GRHL1: variants seen among roughly 807,000 people sequenced by gnomAD.
GRHL1 encodes the protein grainyhead-like protein 1 homolog.
GRHL1 carries 38 observed loss-of-function variants against 75.7 expected under a neutral mutation model. That is an observed-to-expected ratio of 0.50 (90% CI 0.39 to 0.66). The LOEUF (loss-of-function observed/expected upper bound fraction) is 0.66. Among genes scored for constraint, GRHL1 ranks in the 30% least tolerant of loss-of-function variants. GRHL1 has a pLI of 0.00. For missense variants in GRHL1, 589 were observed against 767.5 expected, an observed-to-expected ratio of 0.77 and a Z score of 2.75; for synonymous variants, 266 against 279.4, an observed-to-expected ratio of 0.95 and a Z score of 0.48.
chr2:9,962,937 T>A (rs1226747772), intron 5 of GRHL1, among the ~76,000 whole-genome samples: 1 of 151,808 alleles, frequency 6.6e-6, no homozygotes, highest in Non-Finnish European at 1.5e-5. Context: ...AATGATAAAA[T>A]AAATGAAGTC....
Position 9,951,782 on chromosome 2 carries a change from T to G in GRHL1, c.-52T>G. On this transcript the variant is annotated 5_prime_UTR_variant, in exon 1 of 16. Coordinates refer to ENST00000324907, the MANE Select transcript of GRHL1 (RefSeq NM_198182.3). The surrounding 1 kb of genome is among the most constrained non-coding windows in gnomAD (Gnocchi z 4.2). ...CCTCCTCCCCCCGGATCGGGTGTACTGTCCCAACCCGAAAGTCCAGTTCTG... is the reference window on the plus strand; with the variant it reads ...CCTCCTCCCCCCGGATCGGGTGTACGGTCCCAACCCGAAAGTCCAGTTCTG... 1 of 1,500,046 alleles carries G rather than the reference T, an allele frequency of 6.7e-7. No individual in the cohort carries two copies. Among genetic ancestry groups the G allele is most frequent in the Non-Finnish European group, 8.9e-7 (1 of 1,119,144 alleles). The allele number at this position is 1,500,046 out of a possible 1,614,324, so 92.9% of individuals were successfully genotyped here.
chr2:9,954,511 G>A (rs944673495), intron 1 of GRHL1, among the ~76,000 whole-genome samples: 3 of 152,146 alleles, frequency 2.0e-5, no homozygotes, highest in Admixed American at 6.5e-5. Context: ...TGTGATGAAC[G>A]GCACACGCTC....
chr2:9,960,792 G>A, intron 3 of GRHL1: 1 of 414,878 alleles, frequency 2.4e-6, no homozygotes, highest in Non-Finnish European at 4.3e-6. Context: ...ATTATGGAAA[G>A]TAAAGCTTGT....
At position 9,998,747 on chromosome 2, in the gene GRHL1, CAT is replaced by C. The variant is rs1159937033; in HGVS notation, c.1678-212_1678-211del. Among the ~76,000 whole-genome samples, 39 of 35,408 alleles carry C rather than the reference CAT, an allele frequency of 1.1e-3. 7 individuals carry two copies. Among genetic ancestry groups the C allele is most frequent in the South Asian group, 4.6e-3 (4 of 866 alleles). The allele number at this position is 35,408 out of a possible 152,430, so 23.2% of individuals were successfully genotyped here. A position where few individuals can be genotyped will look rare whatever the true frequency, so the allele number is the denominator to read the frequency against. ...ACATATATACGTATATATGTACACACATATATACGTATATATATGTACACACA... is the reference window on the plus strand; with the variant it reads ...ACATATATACGTATATATGTACACACATATACGTATATATATGTACACACA... On this transcript the variant is annotated intron_variant, in intron 14 of 15. Transcript: ENST00000324907.
Position 9,992,241 on chromosome 2 carries a change from T to G in GRHL1, c.1461+95T>G, listed in dbSNP as rs1311865599. On this transcript the variant is annotated intron_variant, in intron 11 of 15. Transcript: ENST00000324907. The surrounding 1 kb of genome is among the most constrained non-coding windows in gnomAD (Gnocchi z 4.6). The stretch of plus-strand genomic sequence containing the variant: ...ATTCATGGGAAACAGAAGCCAAAAT[T>G]GAGTGAGGTTTGACCAGTTAGTCAG... 8.5e-7 allele frequency: 1 copy of G among 1,173,834 alleles called. No individual in the cohort carries two copies. Among genetic ancestry groups the G allele is most frequent in the African/African-American group, 1.5e-5 (1 of 65,810 alleles). The allele number at this position is 1,173,834 out of a possible 1,614,324, so 72.7% of individuals were successfully genotyped here. A position where few individuals can be genotyped will look rare whatever the true frequency, so the allele number is the denominator to read the frequency against.
chr2:9,989,062 T>C (rs1668536620), intron 9 of GRHL1, among the ~76,000 whole-genome samples: 1 of 152,126 alleles, frequency 6.6e-6, no homozygotes, highest in Non-Finnish European at 1.5e-5. Context: ...TTGGGGATAT[T>C]TACCTGTTTT....
At position 9,961,453 on chromosome 2, in the gene GRHL1, A is replaced by G. The variant is rs781452558; in HGVS notation, c.669+17A>G. 5 of 1,588,420 alleles carry G rather than the reference A, an allele frequency of 3.1e-6. No homozygotes were observed. Among genetic ancestry groups the G allele is most frequent in the Non-Finnish European group, 4.3e-6 (5 of 1,162,976 alleles). ...GTTCAGGAGGTAAGGAAACAAAAAC[A>G]TCTTCCTAAGACGCCTGCGTGTTTG... On this transcript the variant is annotated intron_variant, in intron 4 of 15. Coordinates refer to ENST00000324907, the MANE Select transcript of GRHL1 (RefSeq NM_198182.3).
chr2:10,000,447 AGATGAG>A (rs1166838816), intron 15 of GRHL1, 140 bp from the exon 16 acceptor site: 1 of 606,860 alleles, frequency 1.6e-6, no homozygotes, highest in Non-Finnish European at 3.0e-6. Flanking sequence ...CCCATTTTAT[AGATGAG>A]GAAGTTGAGG....
At chr2:9,991,900 T>A in intron 10 of GRHL1, 107 bp from the exon 11 acceptor site, 1 of 800,804 alleles carries the variant, frequency 1.2e-6, no homozygotes, top group Non-Finnish European at 1.9e-6. Context: ...TACAGAGTGC[T>A]ACACTTGGAG....
At chr2:9,970,651 C>G (rs1400648141) in intron 8 of GRHL1, among the ~76,000 whole-genome samples, 1 of 152,208 alleles carries the variant, frequency 6.6e-6, no homozygotes, top group Non-Finnish European at 1.5e-5. Context: ...AGTGTGCTGT[C>G]TCAGCCTGTG....
rs956806409 is a variant in GRHL1 at position 9,990,180 on chromosome 2, G to C, written c.1270-516G>C. On this transcript the variant is annotated intron_variant, in intron 9 of 15. Transcript: ENST00000324907. This position sits in a 1 kb window ranked among gnomAD's most constrained non-coding sequence, Gnocchi z 4.2. ...CTTTTTTTTTTTGAGACAGAGTTTCGCTTTGTCACCCAGGCTGGAGTGCAG... is the reference window on the plus strand; with the variant it reads ...CTTTTTTTTTTTGAGACAGAGTTTCCCTTTGTCACCCAGGCTGGAGTGCAG... Among the ~76,000 whole-genome samples the C allele has an allele frequency of 6.6e-6, 1 of 150,890 alleles. No homozygotes were observed. Among genetic ancestry groups the C allele is most frequent in the Non-Finnish European group, 1.5e-5 (1 of 67,838 alleles).
At chr2:9,977,492 T>A (rs114779688) in intron 8 of GRHL1, among the ~76,000 whole-genome samples, 2,903 of 152,284 alleles carry the variant, frequency 0.019, 78 homozygotes, top group African/African-American at 0.065. Context: ...AGCTAAGTTT[T>A]TATATTTTTG....
intron 14 of GRHL1, among the ~76,000 whole-genome samples, chr2:9,998,605 T>C (rs62127503): frequency 0.29 from 16,562 of 56,964 alleles, 5,330 homozygotes; most frequent in Non-Finnish European, 0.36. Context: ...TACACATATA[T>C]ATATACATAT....
At chr2:9,952,180 G>C (rs1231323915) in intron 1 of GRHL1, among the ~76,000 whole-genome samples, 1 of 151,948 alleles carries the variant, frequency 6.6e-6, no homozygotes, top group Non-Finnish European at 1.5e-5. Context: ...GTCGGGTGCG[G>C]CGCGAGGTCG....
chr2:9,972,571 C>G (rs55780001), intron 8 of GRHL1, among the ~76,000 whole-genome samples: 17,352 of 152,148 alleles, frequency 0.11, 1,247 homozygotes, highest in African/African-American at 0.2. Context: ...AGGGATTTTG[C>G]TTTTAGCTTT....
At chr2:9,996,783 C>G (rs1668878687) in intron 14 of GRHL1, among the ~76,000 whole-genome samples, 1 of 152,174 alleles carries the variant, frequency 6.6e-6, no homozygotes, top group Non-Finnish European at 1.5e-5. Flanking sequence ...TTAAAACTCC[C>G]AATCCTAGGA....
intron 2 of GRHL1, among the ~76,000 whole-genome samples, chr2:9,958,257 A>T (rs895203285): frequency 1.3e-5 from 2 of 148,270 alleles, no homozygotes; most frequent in Non-Finnish European, 3.0e-5. Flanking sequence ...TGCTCACTGT[A>T]ACCTCTGCCT....
Position 9,990,855 on chromosome 2 carries a change from A to G in GRHL1, c.1321+108A>G. 1 of 813,996 alleles carries G rather than the reference A, an allele frequency of 1.2e-6. No individual in the cohort carries two copies. The highest frequency in any genetic ancestry group is 2.0e-6 in the Non-Finnish European group (1 of 490,902). The allele number at this position is 813,996 out of a possible 1,614,324, so 50.4% of individuals were successfully genotyped here. A position where few individuals can be genotyped will look rare whatever the true frequency, so the allele number is the denominator to read the frequency against. ...ATGGTGGCTGGAGTTTGCACGCAGA[A>G]GACAGTGGGTGTTCTTCCTGTTCTG... is the stretch of plus-strand genomic sequence containing the variant. On this transcript the variant is annotated intron_variant, in intron 10 of 15. Coordinates refer to ENST00000324907, the MANE Select transcript of GRHL1 (RefSeq NM_198182.3). The surrounding 1 kb of genome is among the most constrained non-coding windows in gnomAD (Gnocchi z 4.2).
At position 9,992,060 on chromosome 2, in the gene GRHL1, G is replaced by A. The variant is rs768245014; in HGVS notation, c.1375G>A (p.Val459Ile). 6.2e-7 allele frequency: 1 copy of A among 1,612,700 alleles called. No individual in the cohort carries two copies. Among genetic ancestry groups the A allele is most frequent in the African/African-American group, 1.3e-5 (1 of 74,772 alleles). ...LPSHKRMDIT[V>I]FKPFIDLDTQ... is the part of the protein sequence containing the mutation. ...CTCTCACAAGCGAATGGATATCACA[G>A]TTTTCAAACCCTTCATTGATCTCGA... Residue 459 changes from valine to isoleucine, a missense_variant, in exon 11 of 16, where the codon GTT (valine) becomes ATT (isoleucine). Val to Ile is a conservative substitution (Grantham distance 29, BLOSUM62 3). This residue lies in a region of GRHL1 where 192 missense variants were observed against 226.6 expected (regional missense o/e 0.85). Coordinates refer to ENST00000324907, the MANE Select transcript of GRHL1 (RefSeq NM_198182.3). The surrounding 1 kb of genome is among the most constrained non-coding windows in gnomAD (Gnocchi z 4.6).
Sources: allele counts gnomAD v4.1 joint callset (sites outside exome capture counted in the v4.1 genomes callset), GRCh38; gene constraint gnomAD v4.1.1; regional missense constraint gnomAD v4.1.1; non-coding constraint Gnocchi (gnomAD v3.1); transcripts MANE v1.5; gene names NCBI Gene and HGNC (gene_info 2026-07-23, HGNC 2026-07-21).